Variants in PHF20 observed in about 807,000 individuals in gnomAD.
PHF20 encodes PHD finger protein 20.
PHF20 carries 23 observed loss-of-function variants against 113.5 expected under a neutral mutation model. That is an observed-to-expected ratio of 0.20 (90% CI 0.15 to 0.29). The LOEUF (loss-of-function observed/expected upper bound fraction) is 0.29, where lower values mean the gene tolerates loss of function less well. Ranked by LOEUF, PHF20 falls within the 10% of genes least tolerant of loss-of-function variation. The pLI is 1.00. For synonymous variants in PHF20, 434 were observed against 457.3 expected (o/e 0.95, Z 0.65); for missense variants, 943 against 1,219.6 (o/e 0.77, Z 3.38).
At chr20:35,936,529 A>C (rs146257195) in intron 15 of PHF20, among the ~76,000 whole-genome samples, 1 of 152,216 alleles carries the variant, frequency 6.6e-6, no homozygotes, top group Admixed American at 6.5e-5. Flanking sequence ...CTTTCAGTAG[A>C]TGCTCACAGG....
intron 2 of PHF20, among the ~76,000 whole-genome samples, chr20:35,803,206 C>T (rs1384727381): frequency 5.6e-5 from 8 of 143,644 alleles, no homozygotes; most frequent in African/African-American, 1.8e-4. Flanking sequence ...GAGCCAAGAT[C>T]GCGCCACTGC....
chr20:35,786,048 A>AC (rs1027096709), intron 1 of PHF20, among the ~76,000 whole-genome samples: 14 of 149,390 alleles, frequency 9.4e-5, no homozygotes, highest in Non-Finnish European at 1.6e-4. Context: ...AAAAAAAACA[A>AC]AAAAAAAAAC....
intron 1 of PHF20, among the ~76,000 whole-genome samples, chr20:35,786,391 A>G (rs1282425189): frequency 6.6e-6 from 1 of 151,308 alleles, no homozygotes; most frequent in African/African-American, 2.4e-5. Flanking sequence ...CTCCGTCTCA[A>G]TAAATAAATA....
At chr20:35,825,704 C>T (rs1053059727) in intron 2 of PHF20, among the ~76,000 whole-genome samples, 1 of 150,182 alleles carries the variant, frequency 6.7e-6, no homozygotes, top group East Asian at 1.9e-4. Flanking sequence ...AGTACAATGG[C>T]TATTTACGAG....
At chr20:35,869,256 A>T (rs1295482912) in intron 6 of PHF20, among the ~76,000 whole-genome samples, 182 bp from the exon 7 acceptor site, 2 of 152,144 alleles carry the variant, frequency 1.3e-5, no homozygotes, top group African/African-American at 2.4e-5. Context: ...CCTGTAAGGA[A>T]GTAATTTCTC....
chr20:35,871,422 G>C (rs763980414), intron 8 of PHF20, among the ~76,000 whole-genome samples: 4 of 152,052 alleles, frequency 2.6e-5, no homozygotes, highest in Non-Finnish European at 4.4e-5. Flanking sequence ...CATCTCATTC[G>C]TGCCTTTGTG....
chr20:35,818,241 C>G (rs1242119103), intron 2 of PHF20, among the ~76,000 whole-genome samples: 1 of 152,028 alleles, frequency 6.6e-6, no homozygotes. Context: ...CGACACTGCA[C>G]TTCAGCCTGG....
At chr20:35,793,297 TTTTC>T (rs1244143722) in intron 1 of PHF20, among the ~76,000 whole-genome samples, 14 of 151,380 alleles carry the variant, frequency 9.2e-5, no homozygotes, top group African/African-American at 3.4e-4. Flanking sequence ...AGTCCTTTCT[TTTTC>T]TTTTTTTTTT....
intron 9 of PHF20, among the ~76,000 whole-genome samples, chr20:35,882,118 A>T (rs762553396): frequency 6.6e-6 from 1 of 152,234 alleles, no homozygotes; most frequent in Non-Finnish European, 1.5e-5. Context: ...TATTTTTTCC[A>T]TAAGAATTGT....
chr20:35,805,156 G>A (rs868187928), intron 2 of PHF20, among the ~76,000 whole-genome samples: 3 of 151,578 alleles, frequency 2.0e-5, no homozygotes, highest in South Asian at 4.2e-4. Flanking sequence ...TGCCCAACTC[G>A]GCCTCCTGAG....
intron 15 of PHF20, among the ~76,000 whole-genome samples, chr20:35,932,507 T>G (rs2055779379): frequency 6.8e-6 from 1 of 146,300 alleles, no homozygotes. Context: ...CTCGGCTCAC[T>G]GCAACTTCTG....
chr20:35,926,061 G>A (rs530220774), intron 13 of PHF20, among the ~76,000 whole-genome samples: 1 of 144,302 alleles, frequency 6.9e-6, no homozygotes, highest in Admixed American at 7.0e-5. Context: ...GGCAGAGGTT[G>A]CAGTGAGCCG....
At chr20:35,931,812 G>T (rs189356312) in intron 15 of PHF20, among the ~76,000 whole-genome samples, 4 of 151,828 alleles carry the variant, frequency 2.6e-5, no homozygotes, top group Admixed American at 1.3e-4. Flanking sequence ...TTAGCTAGGC[G>T]TGCTGGTGTG....
At chr20:35,885,967 A>C (rs1455272466) in intron 9 of PHF20, among the ~76,000 whole-genome samples, 1 of 152,016 alleles carries the variant, frequency 6.6e-6, no homozygotes, top group East Asian at 1.9e-4. Flanking sequence ...AACATGTATT[A>C]GTTTATATTC....
At chr20:35,838,993 CAAA>C (rs796705349) in intron 2 of PHF20, among the ~76,000 whole-genome samples, 19 of 86,166 alleles carry the variant, frequency 2.2e-4, no homozygotes, top group Non-Finnish European at 2.0e-4. Context: ...GACCCTGTCT[CAAA>C]AAAAAAAAAA....
At chr20:35,850,470 C>A (rs1841269592) in intron 4 of PHF20, among the ~76,000 whole-genome samples, 1 of 149,494 alleles carries the variant, frequency 6.7e-6, no homozygotes, top group Admixed American at 6.7e-5. Context: ...CACACCACAC[C>A]TGGCTAATTT....
At chr20:35,864,647 G>A (rs1036782166) in intron 6 of PHF20, among the ~76,000 whole-genome samples, 3 of 152,090 alleles carry the variant, frequency 2.0e-5, no homozygotes, top group African/African-American at 7.2e-5. Context: ...AGGTTGATTT[G>A]TCTCTATATG....
chr20:35,872,769 T>A (rs2054445391), intron 9 of PHF20, among the ~76,000 whole-genome samples: 1 of 152,220 alleles, frequency 6.6e-6, no homozygotes, highest in African/African-American at 2.4e-5. Flanking sequence ...CTCTGTAGGA[T>A]TTCAATCTTT....
intron 17 of PHF20, 71 bp downstream of exon 17, chr20:35,941,118 AC>A: frequency 1.5e-6 from 2 of 1,297,746 alleles, no homozygotes; most frequent in Non-Finnish European, 2.2e-6. Flanking sequence ...TGCTTTCTGA[AC>A]CCCCCAGTCT....
Sources: allele counts gnomAD v4.1 joint callset (sites outside exome capture counted in the v4.1 genomes callset), GRCh38; gene constraint gnomAD v4.1.1; transcripts MANE v1.5; gene names NCBI Gene and HGNC (gene_info 2026-07-23, HGNC 2026-07-21).